The following CELF4 variants were observed in gnomAD, a reference collection of about 807,000 sequenced individuals.
The protein encoded by CELF4 is CUG-BP- and ETR-3-like factor 4.
In CELF4, 18 loss-of-function variants were observed where a neutral mutation model predicts 59.9. That is an observed-to-expected ratio of 0.30 (90% CI 0.21 to 0.45). CELF4 has a LOEUF of 0.45. Among genes scored for constraint, CELF4 ranks in the 20% least tolerant of loss-of-function variants. The pLI, the probability that CELF4 is intolerant of heterozygous loss-of-function variation, is 1.00. For missense variants in CELF4, 456 were observed against 689.0 expected, an observed-to-expected ratio of 0.66 and a Z score of 3.79; for synonymous variants, 261 against 267.1, an observed-to-expected ratio of 0.98 and a Z score of 0.22.
At chr18:37,418,993 C>T (rs894409408) in intron 2 of CELF4, among the ~76,000 whole-genome samples, 1 of 152,158 alleles carries the variant, frequency 6.6e-6, no homozygotes, top group East Asian at 1.9e-4. Flanking sequence ...GGTAGGTGTA[C>T]TTCTGGGGAT....
chr18:37,346,842 T>G (rs1057145847), intron 2 of CELF4, among the ~76,000 whole-genome samples: 1 of 152,036 alleles, frequency 6.6e-6, no homozygotes, highest in Non-Finnish European at 1.5e-5. Flanking sequence ...ACCGCTGGGA[T>G]GAGGAAGTCA....
chr18:37,379,111 T>A (rs1036727751), intron 2 of CELF4, among the ~76,000 whole-genome samples: 17 of 152,286 alleles, frequency 1.1e-4, no homozygotes, highest in African/African-American at 3.4e-4. Context: ...TAGCAAGGTG[T>A]CTGGGGCCTC....
At chr18:37,401,277 T>C (rs1046477019) in intron 2 of CELF4, among the ~76,000 whole-genome samples, 5 of 152,246 alleles carry the variant, frequency 3.3e-5, no homozygotes, top group African/African-American at 9.6e-5. Flanking sequence ...TCCTTTAAAA[T>C]TGAACTGCAA....
chr18:37,372,987 TCAA>T (rs761600949), intron 2 of CELF4, among the ~76,000 whole-genome samples: 1 of 152,090 alleles, frequency 6.6e-6, no homozygotes, highest in Non-Finnish European at 1.5e-5. Context: ...AAGACTCCAT[TCAA>T]CAACCGACAC....
At chr18:37,342,887 C>A (rs570223128) in intron 2 of CELF4, among the ~76,000 whole-genome samples, 3 of 152,208 alleles carry the variant, frequency 2.0e-5, no homozygotes, top group Non-Finnish European at 4.4e-5. Flanking sequence ...GGTGGTGTCC[C>A]CCCCAACCCC....
At chr18:37,492,633 G>A (rs1210346966) in intron 1 of CELF4, among the ~76,000 whole-genome samples, 3 of 152,114 alleles carry the variant, frequency 2.0e-5, no homozygotes, top group Non-Finnish European at 4.4e-5. Flanking sequence ...AGCTCATCAT[G>A]TACATGTTCT....
chr18:37,511,416 G>A (rs1432783345), intron 1 of CELF4, among the ~76,000 whole-genome samples: 1 of 152,090 alleles, frequency 6.6e-6, no homozygotes, highest in Non-Finnish European at 1.5e-5. Flanking sequence ...AAAGTCCTTG[G>A]CATTCCCCAG....
At chr18:37,373,893 C>T (rs1018992141) in intron 2 of CELF4, among the ~76,000 whole-genome samples, 4 of 152,218 alleles carry the variant, frequency 2.6e-5, no homozygotes, top group African/African-American at 9.6e-5. Flanking sequence ...AAGCTGCCTG[C>T]GGACTCCCAG....
intron 2 of CELF4, among the ~76,000 whole-genome samples, chr18:37,450,066 C>G (rs2099758890): frequency 6.6e-6 from 1 of 151,828 alleles, no homozygotes; most frequent in South Asian, 2.1e-4. Context: ...ATGGAGGGGC[C>G]AGGGTGGGGG....
chr18:37,374,927 G>A (rs980665553), intron 2 of CELF4, among the ~76,000 whole-genome samples: 4 of 152,222 alleles, frequency 2.6e-5, no homozygotes, highest in Non-Finnish European at 5.9e-5. Flanking sequence ...GGGCCCAGGT[G>A]AGCAGGCACT....
intron 2 of CELF4, among the ~76,000 whole-genome samples, chr18:37,440,179 T>A (rs1196234116): frequency 6.6e-6 from 1 of 152,150 alleles, no homozygotes; most frequent in Non-Finnish European, 1.5e-5. Context: ...ACCCAAGGTG[T>A]CCTGTACACG....
chr18:37,520,372 C>T (rs1411559035), intron 1 of CELF4, among the ~76,000 whole-genome samples: 1 of 152,166 alleles, frequency 6.6e-6, no homozygotes, highest in African/African-American at 2.4e-5. Flanking sequence ...GGCATGTCTT[C>T]TCCTCCCCAT....
intron 2 of CELF4, among the ~76,000 whole-genome samples, chr18:37,322,799 C>T (rs981634963): frequency 1.3e-5 from 2 of 152,244 alleles, no homozygotes; most frequent in South Asian, 4.1e-4. Flanking sequence ...ACGCACCTCC[C>T]TGAGCCCTTC....
Position 37,244,175 on chromosome 18 carries a change from A to AT in CELF4, c.*1066dup, listed in dbSNP as rs2061272535. ...TTTTCCTTTTTTATTTTTTTTTTTT[A>AT]TTTTTTGCTTTCCTCTAATTTTTCT... is the stretch of plus-strand genomic sequence containing the variant. On this transcript the variant is annotated 3_prime_UTR_variant, in exon 13 of 13. Coordinates refer to ENST00000420428, the MANE Select transcript of CELF4 (RefSeq NM_020180.4). 9 of 114,638 alleles carry AT rather than the reference A, an allele frequency of 7.9e-5. No homozygotes were observed. The highest frequency in any genetic ancestry group is 2.8e-4 in the African/African-American group (9 of 32,076). 7.1% of individuals were successfully genotyped at this position (114,638 alleles called of 1,614,324 possible). A position where few individuals can be genotyped will look rare whatever the true frequency, so the allele number is the denominator to read the frequency against.
chr18:37,261,531 A>G, intron 10 of CELF4, among the ~76,000 whole-genome samples: 1 of 152,214 alleles, frequency 6.6e-6, no homozygotes, highest in South Asian at 2.1e-4. Context: ...CTGGACAGTG[A>G]GCCCACACGC....
chr18:37,292,094 C>T (rs2095372589), intron 3 of CELF4, among the ~76,000 whole-genome samples: 1 of 152,056 alleles, frequency 6.6e-6, no homozygotes, highest in African/African-American at 2.4e-5. Context: ...CGTGCAATTA[C>T]AGCAAGATGT....
chr18:37,528,396 A>C (rs949678147), intron 1 of CELF4, among the ~76,000 whole-genome samples: 2 of 152,324 alleles, frequency 1.3e-5, no homozygotes, highest in Admixed American at 1.3e-4. Flanking sequence ...GTTTGTAATA[A>C]AAGAAGACAC....
chr18:37,506,680 C>T (rs114376991), intron 1 of CELF4, among the ~76,000 whole-genome samples: 96 of 152,336 alleles, frequency 6.3e-4, no homozygotes, highest in African/African-American at 2.1e-3. Context: ...GCCTGCCTGC[C>T]TTTGCCATTC....
intron 1 of CELF4, among the ~76,000 whole-genome samples, chr18:37,494,373 A>C (rs1471840665): frequency 6.6e-6 from 1 of 152,216 alleles, no homozygotes; most frequent in Non-Finnish European, 1.5e-5. Context: ...GGACTGGCCC[A>C]GGGTGGGTGT....
Sources: allele counts gnomAD v4.1 joint callset (sites outside exome capture counted in the v4.1 genomes callset), GRCh38; gene constraint gnomAD v4.1.1; transcripts MANE v1.5; gene names NCBI Gene and HGNC (gene_info 2026-07-23, HGNC 2026-07-21).